Variants in NRXN1 observed in about 807,000 individuals in gnomAD.
The protein encoded by NRXN1 is neurexin 1.
In NRXN1, 39 loss-of-function variants were observed where a neutral mutation model predicts 150.9. The observed-to-expected ratio is 0.26, with a 90% CI of 0.20 to 0.34. NRXN1 has a LOEUF of 0.34. NRXN1 is among the 10% of genes least tolerant of loss of function. The pLI is 1.00. For missense variants in NRXN1, 1,815 were observed against 1,949.9 expected, an observed-to-expected ratio of 0.93 and a Z score of 1.30; for synonymous variants, 924 against 757.0, an observed-to-expected ratio of 1.22 and a Z score of -3.62.
chr2:50,158,064 A>AGTGTGTGTGTGT (rs71401060), intron 18 of NRXN1, among the ~76,000 whole-genome samples: 5 of 134,060 alleles, frequency 3.7e-5, no homozygotes, highest in African/African-American at 1.1e-4. Context: ...TAAGAAGTTG[A>AGTGTGTGTGTGT]GTGTGTGTGT....
At chr2:50,541,322 G>A (rs1055941025) in intron 9 of NRXN1, among the ~76,000 whole-genome samples, 3 of 152,112 alleles carry the variant, frequency 2.0e-5, no homozygotes, top group African/African-American at 4.8e-5. Context: ...CTCCTGAGTC[G>A]AGGAAATTCA....
chr2:50,147,537 T>G (rs1260649296), intron 18 of NRXN1, among the ~76,000 whole-genome samples: 1 of 151,732 alleles, frequency 6.6e-6, no homozygotes, highest in Admixed American at 6.6e-5. Context: ...ACAGCGTCTC[T>G]GCAGACGAGG....
intron 17 of NRXN1, 110 bp downstream of exon 17, chr2:50,465,332 A>C: frequency 1.8e-6 from 2 of 1,089,648 alleles, no homozygotes; most frequent in Middle Eastern, 2.3e-4. Flanking sequence ...GGGTTATGAC[A>C]GTTCGACTGA....
rs1338334391 is a variant in NRXN1, at chr2:50,756,669, A to G, written c.833-133054T>C. On this transcript the variant is annotated intron_variant, in intron 5 of 22. Transcript: ENST00000401669. The stretch of plus-strand genomic sequence containing the variant: ...ATAGTAAAAGAGTAAGTATATTAAG[A>G]TATTTACATACGGAATAGGTGGTTG... Among the ~76,000 whole-genome samples the G allele has an allele frequency of 2.0e-5, 3 of 151,858 alleles. No individual in the cohort carries two copies. The South Asian group carries it at 6.2e-4, about 31-fold the overall frequency.
chr2:50,413,285 A>G (rs1177532977), intron 17 of NRXN1, among the ~76,000 whole-genome samples: 1 of 152,252 alleles, frequency 6.6e-6, no homozygotes, highest in Non-Finnish European at 1.5e-5. Context: ...ACTTGAATAG[A>G]CATTTCTCAA....
At chr2:50,715,498 T>C (rs1169257843) in intron 5 of NRXN1, among the ~76,000 whole-genome samples, 1 of 152,226 alleles carries the variant, frequency 6.6e-6, no homozygotes, top group Non-Finnish European at 1.5e-5. Context: ...ATTGTTATTA[T>C]TTCTATATGG....
At chr2:50,237,109 A>AT in intron 17 of NRXN1, 139 bp from the exon 18 acceptor site, 1 of 897,968 alleles carries the variant, frequency 1.1e-6, no homozygotes, top group Middle Eastern at 2.8e-4. Context: ...TTTCAATCAA[A>AT]TGTGCTCAAG....
At chr2:50,393,047 G>T (rs1052960700) in intron 17 of NRXN1, among the ~76,000 whole-genome samples, 16 of 151,914 alleles carry the variant, frequency 1.1e-4, no homozygotes, top group African/African-American at 3.6e-4. Flanking sequence ...TGGATAAATT[G>T]CAGGCAACAA....
chr2:49,976,627 G>C (rs1312204681), intron 21 of NRXN1, among the ~76,000 whole-genome samples: 1 of 152,136 alleles, frequency 6.6e-6, no homozygotes, highest in African/African-American at 2.4e-5. Context: ...TTCATGTAAA[G>C]AAAATAGTGT....
chr2:50,875,782 G>A (rs1407087542), intron 5 of NRXN1, among the ~76,000 whole-genome samples: 1 of 151,756 alleles, frequency 6.6e-6, no homozygotes, highest in Non-Finnish European at 1.5e-5. Flanking sequence ...CTAATGGGTG[G>A]CAGAAGCAAA....
At chr2:50,411,044 C>A (rs543605677) in intron 17 of NRXN1, among the ~76,000 whole-genome samples, 1 of 151,870 alleles carries the variant, frequency 6.6e-6, no homozygotes. Flanking sequence ...CTCCCTCTCC[C>A]CCTCCCCGTC....
At chr2:50,512,492 C>T (rs928918756) in intron 12 of NRXN1, among the ~76,000 whole-genome samples, 1 of 152,150 alleles carries the variant, frequency 6.6e-6, no homozygotes, top group African/African-American at 2.4e-5. Context: ...TACTGAAGCA[C>T]AGACTACTAA....
chr2:49,973,760 A>G (rs1475079841), intron 21 of NRXN1: 1 of 552,246 alleles, frequency 1.8e-6, no homozygotes, highest in African/African-American at 1.9e-5. Context: ...AAAATTTAAA[A>G]CAACCTTTCC....
intron 21 of NRXN1, among the ~76,000 whole-genome samples, chr2:50,029,373 A>T (rs894680111): frequency 4.6e-5 from 7 of 152,186 alleles, no homozygotes; most frequent in Non-Finnish European, 1.0e-4. Flanking sequence ...GGACTGAATT[A>T]GGTCCCTGCC....
intron 17 of NRXN1, among the ~76,000 whole-genome samples, chr2:50,298,303 G>A (rs1278460752): frequency 6.6e-6 from 1 of 152,012 alleles, no homozygotes; most frequent in East Asian, 1.9e-4. Flanking sequence ...AATATGAATA[G>A]TTCAAAATTA....
At chr2:50,050,155 ACTT>A (rs975695672) in intron 21 of NRXN1, among the ~76,000 whole-genome samples, 6 of 85,224 alleles carry the variant, frequency 7.0e-5, no homozygotes, top group Admixed American at 4.9e-4. Context: ...TCAAAGCAAA[ACTT>A]CTTTTTTTTT....
intron 13 of NRXN1, among the ~76,000 whole-genome samples, chr2:50,498,998 C>T (rs2091798364): frequency 6.6e-6 from 1 of 152,132 alleles, no homozygotes; most frequent in African/African-American, 2.4e-5. Context: ...AACCTTTTCC[C>T]CAGGGGTAAT....
At chr2:50,884,658 C>T (rs946817705) in intron 5 of NRXN1, among the ~76,000 whole-genome samples, 1 of 151,326 alleles carries the variant, frequency 6.6e-6, no homozygotes, top group South Asian at 2.1e-4. Context: ...GTAGTAATAT[C>T]TACACTTGAA....
At chr2:50,273,113 A>G (rs1351831446) in intron 17 of NRXN1, among the ~76,000 whole-genome samples, 1 of 152,176 alleles carries the variant, frequency 6.6e-6, no homozygotes, top group Non-Finnish European at 1.5e-5. Flanking sequence ...ACATTGAGGT[A>G]CCATTGGCAA....
Sources: allele counts gnomAD v4.1 joint callset (sites outside exome capture counted in the v4.1 genomes callset), GRCh38; gene constraint gnomAD v4.1.1; transcripts MANE v1.5; gene names NCBI Gene and HGNC (gene_info 2026-07-23, HGNC 2026-07-21).